IFTAP: variants seen among roughly 807,000 people sequenced by gnomAD.
IFTAP encodes the protein intraflagellar transport-associated protein.
A neutral mutation model predicts 19.4 loss-of-function variants in IFTAP; 19 were observed. That is an observed-to-expected ratio of 0.98 (90% confidence interval 0.68 to 1.44). IFTAP has a LOEUF of 1.44. Among genes scored for constraint, IFTAP ranks in the 40% most tolerant of loss-of-function variants. The pLI, the probability that IFTAP is intolerant of heterozygous loss-of-function variation, is 0.00. For synonymous variants in IFTAP, 85 were observed against 83.5 expected (o/e 1.02, Z -0.10); for missense variants, 240 against 253.6 (o/e 0.95, Z 0.36).
At chr11:36,630,573 A>C (rs1032273520) in intron 2 of IFTAP, among the ~76,000 whole-genome samples, 3 of 151,422 alleles carry the variant, frequency 2.0e-5, no homozygotes, top group Admixed American at 1.3e-4. Context: ...AAGGAGTTTC[A>C]TCTGGTTACC....
intron 1 of IFTAP, among the ~76,000 whole-genome samples, chr11:36,601,044 A>G (rs1314883148): frequency 6.6e-6 from 1 of 152,210 alleles, no homozygotes; most frequent in African/African-American, 2.4e-5. Flanking sequence ...AACTCATGAC[A>G]GTGCATTTCA....
chr11:36,624,003 A>ATG (rs1457366373), intron 2 of IFTAP, among the ~76,000 whole-genome samples: 1 of 150,356 alleles, frequency 6.7e-6, no homozygotes, highest in East Asian at 1.9e-4. Flanking sequence ...GTGTATATAT[A>ATG]TATTTTTTTC....
At chr11:36,651,549 T>C (rs571855403) in intron 5 of IFTAP, among the ~76,000 whole-genome samples, 30 of 152,328 alleles carry the variant, frequency 2.0e-4, no homozygotes, top group Admixed American at 3.9e-4. Context: ...AGAAGCTCTT[T>C]AGTTTAATTA....
chr11:36,622,083 A>ATTTTTTTTTTTTTTTTTTTTTTTTTTTTT (rs199873596), intron 2 of IFTAP, among the ~76,000 whole-genome samples: 3 of 138,174 alleles, frequency 2.2e-5, no homozygotes, highest in Non-Finnish European at 3.0e-5. Context: ...CTCTTGTTCT[A>ATTTTTTTTTTTTTTTTTTTTTTTTTTTTT]TTTTTTATTT....
intron 4 of IFTAP, among the ~76,000 whole-genome samples, chr11:36,645,820 A>G (rs1232901388): frequency 1.3e-5 from 2 of 152,178 alleles, no homozygotes; most frequent in Non-Finnish European, 2.9e-5. Context: ...GGTAAGGGCT[A>G]TAGTCATTTT....
chr11:36,656,070 G>T (rs1439551587), intron 5 of IFTAP, among the ~76,000 whole-genome samples: 1 of 152,188 alleles, frequency 6.6e-6, no homozygotes, highest in Admixed American at 6.5e-5. Flanking sequence ...AAGGTAGTTT[G>T]AGACCTCAGG....
chr11:36,608,051 T>C (rs192766566), intron 1 of IFTAP, among the ~76,000 whole-genome samples: 3 of 152,320 alleles, frequency 2.0e-5, no homozygotes, highest in Non-Finnish European at 4.4e-5. Context: ...TATACAGCTA[T>C]TTGACAGAAT....
chr11:36,616,034 A>G (rs1325593927), intron 2 of IFTAP, among the ~76,000 whole-genome samples: 1 of 151,978 alleles, frequency 6.6e-6, no homozygotes, highest in Non-Finnish European at 1.5e-5. Flanking sequence ...GCTGTCACAC[A>G]GAGATTGTAT....
Position 36,617,213 on chromosome 11 carries a change from ATTTGTATATTTATTTT to A in IFTAP, c.136+6990_136+7005del, listed in dbSNP as rs1360894633. On this transcript the variant is annotated intron_variant, in intron 2 of 5. Coordinates refer to ENST00000334307, the MANE Select transcript of IFTAP (RefSeq NM_138787.4). ...TATTTATTTGTATATATATTTATTT[ATTTGTATATTTATTTT>A]TTTGTATATTTATTTATTTGTATAT... Among the ~76,000 whole-genome samples, 442 of 149,102 alleles carry A rather than the reference ATTTGTATATTTATTTT, an allele frequency of 3.0e-3. 4 individuals are homozygous for A. The highest frequency in any genetic ancestry group is 0.01 in the African/African-American group (416 of 41,046).
intron 4 of IFTAP, among the ~76,000 whole-genome samples, 190 bp from the exon 5 acceptor site, chr11:36,647,826 C>G (rs1165306981): frequency 6.6e-6 from 1 of 152,108 alleles, no homozygotes; most frequent in African/African-American, 2.4e-5. Context: ...AATAAATGCA[C>G]TAATGGCTTC....
intron 2 of IFTAP, among the ~76,000 whole-genome samples, chr11:36,620,614 A>G (rs560926329): frequency 6.6e-6 from 1 of 152,092 alleles, no homozygotes; most frequent in African/African-American, 2.4e-5. Context: ...GTTCATAGAT[A>G]ATCATTTGTT....
chr11:36,617,206 T>C (rs1173854748), intron 2 of IFTAP, among the ~76,000 whole-genome samples: 1 of 149,150 alleles, frequency 6.7e-6, no homozygotes, highest in East Asian at 1.9e-4. Flanking sequence ...TGTATATATA[T>C]TTATTTATTT....
chr11:36,597,136 G>C (rs753127497), intron 1 of IFTAP, among the ~76,000 whole-genome samples: 1 of 152,140 alleles, frequency 6.6e-6, no homozygotes, highest in Non-Finnish European at 1.5e-5. Context: ...GATGATGTAT[G>C]CATTTAAAGA....
chr11:36,655,041 A>G (rs1327699274), intron 5 of IFTAP, among the ~76,000 whole-genome samples: 1 of 152,168 alleles, frequency 6.6e-6, no homozygotes, highest in African/African-American at 2.4e-5. Context: ...TAATGGATGA[A>G]GGAATTTATC....
At chr11:36,642,707 G>A (rs1342373427) in intron 4 of IFTAP, among the ~76,000 whole-genome samples, 2 of 152,006 alleles carry the variant, frequency 1.3e-5, no homozygotes, top group East Asian at 1.9e-4. Flanking sequence ...TTCAACATAC[G>A]CAAATCAATA....
chr11:36,657,904 C>A (rs1433652979), intron 5 of IFTAP, among the ~76,000 whole-genome samples: 1 of 152,208 alleles, frequency 6.6e-6, no homozygotes, highest in Non-Finnish European at 1.5e-5. Context: ...AGAAGTTGTT[C>A]TCCTGCTGAT....
Position 36,659,234 on chromosome 11 carries a change from A to T in IFTAP, c.*48A>T, listed in dbSNP as rs1390275505. On this transcript the variant is annotated 3_prime_UTR_variant, in exon 6 of 6. Coordinates refer to ENST00000334307, the MANE Select transcript of IFTAP (RefSeq NM_138787.4). Reference sequence around the variant, plus strand: ...GTGTGCTTATTTTAATTTTGTTCTTATTCTAGCAACATTAGAATAAAAGAT... The same window carrying T: ...GTGTGCTTATTTTAATTTTGTTCTTTTTCTAGCAACATTAGAATAAAAGAT... The T allele has an allele frequency of 4.9e-6, 7 of 1,438,026 alleles. No homozygotes were observed. Among genetic ancestry groups the T allele is most frequent in the African/African-American group, 1.4e-5 (1 of 69,098 alleles). The allele number at this position is 1,438,026 out of a possible 1,614,324, so 89.1% of individuals were successfully genotyped here. A position where few individuals can be genotyped will look rare whatever the true frequency, so the allele number is the denominator to read the frequency against.
At chr11:36,622,083 A>ATTT (rs199873596) in intron 2 of IFTAP, among the ~76,000 whole-genome samples, 7 of 138,174 alleles carry the variant, frequency 5.1e-5, no homozygotes, top group African/African-American at 2.0e-4. Flanking sequence ...CTCTTGTTCT[A>ATTT]TTTTTTATTT....
chr11:36,648,225 C>T, intron 5 of IFTAP, 70 bp downstream of exon 5: 1 of 1,509,102 alleles, frequency 6.6e-7, no homozygotes, highest in Non-Finnish European at 8.9e-7. Flanking sequence ...CAAAGAAATG[C>T]TGCATGCTTC....
Sources: allele counts gnomAD v4.1 joint callset (sites outside exome capture counted in the v4.1 genomes callset), GRCh38; gene constraint gnomAD v4.1.1; transcripts MANE v1.5; gene names NCBI Gene and HGNC (gene_info 2026-07-23, HGNC 2026-07-21).